Variants in MYO16 observed in about 807,000 individuals in gnomAD.
MYO16 encodes the protein myosin XVI.
A neutral mutation model predicts 205.3 loss-of-function variants in MYO16; 94 were observed. That is an observed-to-expected ratio of 0.46 (90% CI 0.39 to 0.54). MYO16 has a LOEUF of 0.54. MYO16 is among the 20% of genes least tolerant of loss of function. The pLI, the probability that MYO16 is intolerant of heterozygous loss-of-function variation, is 0.00. For synonymous variants in MYO16, 988 were observed against 954.0 expected (o/e 1.04, Z -0.66); for missense variants, 2,315 against 2,387.5 (o/e 0.97, Z 0.63).
intron 21 of MYO16, among the ~76,000 whole-genome samples, chr13:109,008,016 TGCTCAA>T (rs1885457286): frequency 6.6e-6 from 1 of 152,224 alleles, no homozygotes; most frequent in Admixed American, 6.5e-5. Context: ...ATATTTTAAA[TGCTCAA>T]ATATATTTGA....
At chr13:108,796,138 C>T (rs1183278685) in intron 6 of MYO16, among the ~76,000 whole-genome samples, 6 of 152,118 alleles carry the variant, frequency 3.9e-5, no homozygotes, top group South Asian at 2.1e-4. Flanking sequence ...ATGAGGACCA[C>T]GGCTATGACT....
At chr13:108,574,581 T>C in the MYO16 span, among the ~76,000 whole-genome samples, 3 of 152,266 alleles carry the variant, frequency 2.0e-5, no homozygotes, top group African/African-American at 7.2e-5. Flanking sequence ...CTTAAAATGT[T>C]CAGTGTCTGA....
rs562084141 is a variant in MYO16 at position 108,674,325 on chromosome 13, T to C, written c.292+8176T>C. On this transcript the variant is annotated intron_variant, in intron 2 of 34. Transcript: ENST00000457511. Reference sequence around the variant, plus strand: ...CTCAGAAGTTAAAATTCCACAGTAGTTGGTTATCAAGTAAGCTTATTTAAA... The same window carrying C: ...CTCAGAAGTTAAAATTCCACAGTAGCTGGTTATCAAGTAAGCTTATTTAAA... 7.9e-5 allele frequency among the ~76,000 whole-genome samples: 12 copies of C among 152,322 alleles called. No homozygotes were observed. The East Asian group carries it at 2.3e-3, about 29-fold the overall frequency.
At chr13:108,846,881 A>G (rs889886293) in intron 10 of MYO16, among the ~76,000 whole-genome samples, 2 of 152,138 alleles carry the variant, frequency 1.3e-5, no homozygotes, top group Admixed American at 1.3e-4. Context: ...TTTGAATGCA[A>G]TTATTGATAT....
intron 16 of MYO16, among the ~76,000 whole-genome samples, chr13:108,927,116 AAGAG>A (rs141822029): frequency 2.7e-4 from 40 of 149,384 alleles, no homozygotes; most frequent in Admixed American, 1.5e-3. Flanking sequence ...TCAACAACTG[AAGAG>A]AGAGAGAGAG....
intron 21 of MYO16, among the ~76,000 whole-genome samples, chr13:108,996,508 TA>T (rs527449556): frequency 6.6e-6 from 1 of 152,208 alleles, no homozygotes; most frequent in Non-Finnish European, 1.5e-5. Flanking sequence ...ATAAAGATAC[TA>T]AAAAATGTGT....
chr13:108,777,149 C>T (rs1408058671), intron 4 of MYO16, among the ~76,000 whole-genome samples: 1 of 152,004 alleles, frequency 6.6e-6, no homozygotes, highest in Non-Finnish European at 1.5e-5. Flanking sequence ...TAAGAATTTG[C>T]CCTAGGCCGT....
At chr13:108,991,019 A>G (rs1884809978) in intron 20 of MYO16, among the ~76,000 whole-genome samples, 1 of 152,220 alleles carries the variant, frequency 6.6e-6, no homozygotes, top group Non-Finnish European at 1.5e-5. Flanking sequence ...GAACTATAAT[A>G]ATAACAGAAC....
chr13:109,173,752 G>A (rs552652827), intron 33 of MYO16, among the ~76,000 whole-genome samples: 139 of 151,902 alleles, frequency 9.2e-4, no homozygotes, highest in African/African-American at 2.5e-3. Context: ...AAAATTAGCC[G>A]GGCGTGGTGG....
At chr13:108,611,058 G>T (rs1879156178) in intron 1 of MYO16, among the ~76,000 whole-genome samples, 1 of 152,084 alleles carries the variant, frequency 6.6e-6, no homozygotes, top group Non-Finnish European at 1.5e-5. Flanking sequence ...ATATCCATTA[G>T]GTATCACATA....
At chr13:108,977,158 T>C (rs1884292466) in intron 20 of MYO16, among the ~76,000 whole-genome samples, 1 of 152,200 alleles carries the variant, frequency 6.6e-6, no homozygotes, top group African/African-American at 2.4e-5. Context: ...CATCCTTTGC[T>C]AAGTTCATAT....
intron 1 of MYO16, among the ~76,000 whole-genome samples, chr13:108,603,916 A>G (rs1224804648): frequency 6.6e-6 from 1 of 152,214 alleles, no homozygotes; most frequent in Admixed American, 6.5e-5. Context: ...TTACACTGCT[A>G]CAAATAAATA....
chr13:108,826,070 G>A (rs1594323262), intron 9 of MYO16, among the ~76,000 whole-genome samples: 2 of 151,962 alleles, frequency 1.3e-5, no homozygotes, highest in African/African-American at 2.4e-5. Context: ...AAATTGATAG[G>A]CCAATATTTA....
chr13:108,604,166 T>C (rs1383489617), intron 1 of MYO16, among the ~76,000 whole-genome samples: 1 of 152,138 alleles, frequency 6.6e-6, no homozygotes, highest in East Asian at 1.9e-4. Flanking sequence ...CCATGATTAA[T>C]CACCCCCCAT....
chr13:108,563,475 C>A, the MYO16 span, among the ~76,000 whole-genome samples: 1 of 152,144 alleles, frequency 6.6e-6, no homozygotes, highest in Non-Finnish European at 1.5e-5. Context: ...CAACCTCCCC[C>A]CAACACACTC....
chr13:109,063,323 G>C (rs1213909797), intron 27 of MYO16, among the ~76,000 whole-genome samples: 4 of 152,158 alleles, frequency 2.6e-5, no homozygotes, highest in Non-Finnish European at 5.9e-5. Flanking sequence ...TACAGCTTCA[G>C]AGCGGGATTA....
chr13:108,624,499 T>C (rs1057293696), intron 1 of MYO16, among the ~76,000 whole-genome samples: 1 of 152,210 alleles, frequency 6.6e-6, no homozygotes. Context: ...GTCTGTTTCT[T>C]ATTCACCATT....
chr13:108,750,697 C>G lies in MYO16; in HGVS notation c.507+23114C>G, dbSNP rs929016941. On this transcript the variant is annotated intron_variant, in intron 4 of 34. Coordinates refer to ENST00000457511, the MANE Select transcript of MYO16 (RefSeq NM_001198950.3). Reference sequence around the variant, plus strand: ...TGGCGTGCACCTATAATCCCAGCTACTTAGGAGGCTGAGGCGGGGGAATCG... The same window carrying G: ...TGGCGTGCACCTATAATCCCAGCTAGTTAGGAGGCTGAGGCGGGGGAATCG... 3.3e-5 allele frequency among the ~76,000 whole-genome samples: 5 copies of G among 151,728 alleles called. No individual in the cohort carries two copies. In the South Asian group the frequency reaches 8.3e-4, roughly 25 times the overall value.
At chr13:108,569,735 A>T in the MYO16 span, among the ~76,000 whole-genome samples, 1 of 152,142 alleles carries the variant, frequency 6.6e-6, no homozygotes, top group Non-Finnish European at 1.5e-5. Context: ...TTTTAACGAT[A>T]ATATTTTTAG....
Sources: gnomAD v4.1 joint callset for allele counts (sites outside exome capture counted in the v4.1 genomes callset) on GRCh38, gnomAD v4.1.1 for gene constraint, MANE v1.5 for transcripts, NCBI Gene and HGNC (gene_info 2026-07-23, HGNC 2026-07-21) for gene names.